Variants in SLC1A2 observed in about 807,000 individuals in gnomAD.
SLC1A2 encodes solute carrier family 1 member 2.
In SLC1A2, 15 loss-of-function variants were observed where a neutral mutation model predicts 48.8. That is an observed-to-expected ratio of 0.31 (90% confidence interval 0.21 to 0.47). The LOEUF is 0.47. Ranked by LOEUF, SLC1A2 falls within the 20% of genes least tolerant of loss-of-function variation. SLC1A2 has a pLI of 0.99. For synonymous variants in SLC1A2, 279 were observed against 272.6 expected, an observed-to-expected ratio of 1.02 and a Z score of -0.23; for missense variants, 502 against 730.5, an observed-to-expected ratio of 0.69 and a Z score of 3.61.
At chr11:35,290,127 C>T (rs1046253525) in intron 7 of SLC1A2, among the ~76,000 whole-genome samples, 1 of 152,166 alleles carries the variant, frequency 6.6e-6, no homozygotes, top group Non-Finnish European at 1.5e-5. Context: ...TTAATGGGAA[C>T]ATAAAATAAT....
chr11:35,280,670 T>C (rs1158680006), intron 9 of SLC1A2, 197 bp downstream of exon 9: 2 of 529,794 alleles, frequency 3.8e-6, no homozygotes, highest in Non-Finnish European at 3.3e-6. Context: ...CACTAGACTG[T>C]GACGCCTTCA....
intron 1 of SLC1A2, among the ~76,000 whole-genome samples, chr11:35,325,249 A>G (rs1852202439): frequency 6.6e-6 from 1 of 152,120 alleles, no homozygotes; most frequent in Admixed American, 6.5e-5. Flanking sequence ...TTCTTAGACC[A>G]ACTTTTATTC....
At chr11:35,270,446 C>G (rs905819892) in intron 9 of SLC1A2, among the ~76,000 whole-genome samples, 1 of 152,202 alleles carries the variant, frequency 6.6e-6, no homozygotes, top group African/African-American at 2.4e-5. Flanking sequence ...AACATCAACT[C>G]TAATAGTTTG....
chr11:35,313,966 G>A (rs1487244547), intron 3 of SLC1A2, among the ~76,000 whole-genome samples: 1 of 152,128 alleles, frequency 6.6e-6, no homozygotes, highest in African/African-American at 2.4e-5. Context: ...TCACTTAGCT[G>A]GCTGGTACCC....
In SLC1A2 at chr11:35,315,185, A is replaced by AG. The variant is rs1337505284; in HGVS notation, c.158-11dup. 6.8e-6 allele frequency: 11 copies of AG among 1,611,314 alleles called. No homozygotes were observed. Among genetic ancestry groups the AG allele is most frequent in the African/African-American group, 6.7e-5 (5 of 74,870 alleles). On this transcript the variant is annotated splice_polypyrimidine_tract_variant and intron_variant, in intron 2 of 10. Transcript: ENST00000278379. The stretch of plus-strand genomic sequence containing the variant: ...GCTCCCAGGATGACACCTAAAAGGA[A>AG]GGGGAAAACAATATGAATTTATTTT...
chr11:35,398,348 A>T (rs1855036131), intron 1 of SLC1A2, among the ~76,000 whole-genome samples: 1 of 152,246 alleles, frequency 6.6e-6, no homozygotes, highest in Admixed American at 6.5e-5. Flanking sequence ...GAATGAAATC[A>T]TGTCCCTTGC....
chr11:35,371,484 G>A (rs1177078157), intron 1 of SLC1A2, among the ~76,000 whole-genome samples: 1 of 152,178 alleles, frequency 6.6e-6, no homozygotes, highest in Non-Finnish European at 1.5e-5. Flanking sequence ...TGGGTCCCCT[G>A]AGAATTGAAA....
chr11:35,374,985 T>C (rs2135180430), intron 1 of SLC1A2, among the ~76,000 whole-genome samples: 1 of 152,294 alleles, frequency 6.6e-6, no homozygotes, highest in East Asian at 1.9e-4. Flanking sequence ...GAAAACAAAT[T>C]TTACCATAGT....
At chr11:35,418,906 G>A (rs368903990) in intron 1 of SLC1A2, 44 bp downstream of exon 1, 6 of 1,541,118 alleles carry the variant, frequency 3.9e-6, no homozygotes, top group African/African-American at 1.4e-5. Flanking sequence ...ACCACCCCGC[G>A]CGTGACCCCG....
intron 10 of SLC1A2, among the ~76,000 whole-genome samples, chr11:35,262,567 G>A (rs1950409847): frequency 6.6e-6 from 1 of 152,204 alleles, no homozygotes; most frequent in African/African-American, 2.4e-5. Flanking sequence ...TAGTGAGACA[G>A]AATTAACCAT....
intron 1 of SLC1A2, among the ~76,000 whole-genome samples, chr11:35,358,859 G>A (rs1289380430): frequency 6.6e-6 from 1 of 152,144 alleles, no homozygotes; most frequent in African/African-American, 2.4e-5. Flanking sequence ...ATAGCAAGCG[G>A]GAGGCGGTGG....
In SLC1A2 at chr11:35,419,000, T is replaced by C; in HGVS notation, c.-34A>G. On this transcript the variant is annotated 5_prime_UTR_variant, in exon 1 of 11. Transcript: ENST00000278379. Reference sequence around the variant, plus strand: ...GAACGCCCCCTCCTCTTCAGCACTATCCGGCAGCTGTGGGCGAGGGAGAAA... The same window carrying C: ...GAACGCCCCCTCCTCTTCAGCACTACCCGGCAGCTGTGGGCGAGGGAGAAA... 2 of 1,551,256 alleles carry C rather than the reference T, an allele frequency of 1.3e-6. No individual in the cohort carries two copies. The highest frequency in any genetic ancestry group is 1.7e-6 in the Non-Finnish European group (2 of 1,145,924).
At chr11:35,335,239 C>T (rs979111468) in intron 1 of SLC1A2, among the ~76,000 whole-genome samples, 1 of 152,188 alleles carries the variant, frequency 6.6e-6, no homozygotes, top group Non-Finnish European at 1.5e-5. Context: ...CCTCCAGTCT[C>T]ATCAACATAC....
chr11:35,317,402 A>T lies in SLC1A2; in HGVS notation c.132T>A (p.Asn44Lys), dbSNP rs760357402. 6.2e-7 allele frequency: 1 copy of T among 1,614,068 alleles called. No individual in the cohort carries two copies. Among genetic ancestry groups the T allele is most frequent in the South Asian group, 1.1e-5 (1 of 91,080 alleles). The change falls in exon 2 of 11, where the codon AAT becomes AAA. Residue 44 changes from asparagine (N) to lysine (K), a missense_variant. Physicochemically the swap from Asn to Lys is moderately conservative, Grantham distance 94. This residue lies in a region of SLC1A2 where 89 missense variants were observed against 119.7 expected (regional missense o/e 0.74). Coordinates refer to ENST00000278379, the MANE Select transcript of SLC1A2 (RefSeq NM_004171.4). Reference protein sequence around the residue: ...GLRLCDKLGKNLLLTLTVFGV... With the variant: ...GLRLCDKLGKKLLLTLTVFGV... ...CAAACACCGTCAGGGTGAGCAGCAG[A>T]TTCTTCCCCAGCTTGTCACACAGGC...
At chr11:35,322,725 T>C (rs1215885850) in intron 1 of SLC1A2, 1 of 1,055,132 alleles carries the variant, frequency 9.5e-7, no homozygotes, top group Admixed American at 2.0e-5. Flanking sequence ...TCCTCTCCCG[T>C]AAGACAGTTG....
At chr11:35,368,835 T>C (rs764729383) in intron 1 of SLC1A2, among the ~76,000 whole-genome samples, 1 of 152,178 alleles carries the variant, frequency 6.6e-6, no homozygotes, top group Non-Finnish European at 1.5e-5. Context: ...CCCTGGGATA[T>C]GCCATTTTGT....
At chr11:35,403,112 G>T (rs1270956912) in intron 1 of SLC1A2, among the ~76,000 whole-genome samples, 1 of 152,152 alleles carries the variant, frequency 6.6e-6, no homozygotes, top group African/African-American at 2.4e-5. Flanking sequence ...CAACATTATA[G>T]GTATCTTCCA....
chr11:35,348,146 A>T (rs1853108844), intron 1 of SLC1A2, among the ~76,000 whole-genome samples: 1 of 152,184 alleles, frequency 6.6e-6, no homozygotes, highest in South Asian at 2.1e-4. Context: ...ATGCAGCTAA[A>T]GGATTCTAGA....
At chr11:35,300,517 G>A (rs1481563057) in intron 6 of SLC1A2, among the ~76,000 whole-genome samples, 1 of 152,182 alleles carries the variant, frequency 6.6e-6, no homozygotes, top group Non-Finnish European at 1.5e-5. Context: ...TTTCTACCAT[G>A]TGAGAGCACA....
Sources: allele counts gnomAD v4.1 joint callset (sites outside exome capture counted in the v4.1 genomes callset), GRCh38; gene constraint gnomAD v4.1.1; regional missense constraint gnomAD v4.1.1; transcripts MANE v1.5; gene names NCBI Gene and HGNC (gene_info 2026-07-23, HGNC 2026-07-21).